TTC28: variants seen among roughly 807,000 people sequenced by gnomAD.
TTC28 encodes the protein tetratricopeptide repeat domain 28, also known as tetratricopeptide repeat protein 28.
TTC28 carries 61 observed loss-of-function variants against 198.0 expected under a neutral mutation model. The ratio of observed to expected loss-of-function variants is 0.31; its 90% CI spans 0.25 to 0.38. TTC28 has a LOEUF of 0.38. Ranked by LOEUF, TTC28 falls within the 10% of genes least tolerant of loss-of-function variation. The pLI is 1.00. For missense variants in TTC28, 2,678 were observed against 3,164.0 expected (o/e 0.85, Z 3.69); for synonymous variants, 1,171 against 1,297.8 (o/e 0.90, Z 2.10).
intron 2 of TTC28, among the ~76,000 whole-genome samples, chr22:28,406,159 TGAAATGAAAATATAAG>T (rs2046995031): frequency 6.6e-6 from 1 of 152,194 alleles, no homozygotes; most frequent in African/African-American, 2.4e-5. Context: ...TTCCATTCAC[TGAAATGAAAATATAAG>T]GAAAAAACAC....
chr22:28,334,932 G>C (rs1282135774), intron 2 of TTC28, among the ~76,000 whole-genome samples: 1 of 152,156 alleles, frequency 6.6e-6, no homozygotes, highest in African/African-American at 2.4e-5. Context: ...CCTTGGCCAT[G>C]CCTATGTCCT....
intron 1 of TTC28, among the ~76,000 whole-genome samples, chr22:28,630,202 C>T (rs2146206908): frequency 6.6e-6 from 1 of 152,306 alleles, no homozygotes; most frequent in South Asian, 2.1e-4. Context: ...ATACAGATGC[C>T]TAATCCTGAA....
At chr22:28,500,702 C>T (rs912832187) in intron 2 of TTC28, among the ~76,000 whole-genome samples, 1 of 152,094 alleles carries the variant, frequency 6.6e-6, no homozygotes, top group Non-Finnish European at 1.5e-5. Flanking sequence ...TTCCGTATCA[C>T]AGCAATCCCA....
In TTC28 at chr22:28,235,604, C is replaced by T. The variant is rs141077837; in HGVS notation, c.933+60594G>A. On this transcript the variant is annotated intron_variant, in intron 5 of 22. Coordinates refer to ENST00000397906, the MANE Select transcript of TTC28 (RefSeq NM_001145418.2). ...AGTGTCTGAACAGACAAAAATAACA[C>T]TGGAATAGAACATGAAGTCCAGAAC... Among the ~76,000 whole-genome samples the T allele has an allele frequency of 2.0e-5, 3 of 152,260 alleles. No individual in the cohort carries two copies. In the East Asian group the frequency reaches 5.8e-4, roughly 29 times the overall value.
Position 28,266,552 on chromosome 22 carries a change from C to T in TTC28, c.933+29646G>A, listed in dbSNP as rs118103981. Among the ~76,000 whole-genome samples, 393 of 152,268 alleles carry T rather than the reference C, an allele frequency of 2.6e-3. 2 individuals are homozygous for T. The highest frequency in any genetic ancestry group is 3.5e-3 in the Non-Finnish European group (238 of 68,002). On this transcript the variant is annotated intron_variant, in intron 5 of 22. Transcript: ENST00000397906. ...GATGCTAGCATAAGATTGACAAGCA[C>T]TTGCTCCTTGTTTTCATCATAATAG...
chr22:28,462,547 C>T (rs2047964362), intron 2 of TTC28, among the ~76,000 whole-genome samples: 1 of 152,138 alleles, frequency 6.6e-6, no homozygotes, highest in Admixed American at 6.5e-5. Flanking sequence ...GCTGCTTTCC[C>T]CATCCCCACC....
At position 28,264,717 on chromosome 22, in the gene TTC28, C is replaced by T. The variant is rs568627169; in HGVS notation, c.933+31481G>A. Among the ~76,000 whole-genome samples, 5 of 152,228 alleles carry T rather than the reference C, an allele frequency of 3.3e-5. No homozygotes were observed. The East Asian group carries it at 9.7e-4, about 29-fold the overall frequency. ...AATGTTAAAAACTGCCAGGTTTCTGCATGGAGCATCAAGGGAGTCAGAATG... is the reference window on the plus strand; with the variant it reads ...AATGTTAAAAACTGCCAGGTTTCTGTATGGAGCATCAAGGGAGTCAGAATG... On this transcript the variant is annotated intron_variant, in intron 5 of 22. Transcript: ENST00000397906.
chr22:28,387,727 G>T (rs2046634996), intron 2 of TTC28, among the ~76,000 whole-genome samples: 2 of 152,216 alleles, frequency 1.3e-5, no homozygotes, highest in Non-Finnish European at 2.9e-5. Flanking sequence ...TGAGGTCATT[G>T]TAGATTCTGG....
chr22:28,059,107 G>C (rs765867147), intron 12 of TTC28, among the ~76,000 whole-genome samples: 5 of 151,678 alleles, frequency 3.3e-5, no homozygotes, highest in African/African-American at 1.2e-4. Flanking sequence ...ATGGATTTCT[G>C]TTCTTATCTT....
chr22:28,009,472 G>A (rs905236231), intron 14 of TTC28, among the ~76,000 whole-genome samples: 3 of 152,216 alleles, frequency 2.0e-5, no homozygotes, highest in Admixed American at 6.5e-5. Context: ...AGCTGACAGC[G>A]GCAGCTCTGG....
Position 27,987,185 on chromosome 22 carries a change from G to A in TTC28, c.5708-1829C>T, listed in dbSNP as rs578055141. 1.1e-4 allele frequency among the ~76,000 whole-genome samples: 16 copies of A among 152,330 alleles called. 1 individual carries two copies. Among genetic ancestry groups the A allele is most frequent in the African/African-American group, 3.4e-4 (14 of 41,574 alleles). ...TAAAGCTTGCAAATGCATGCAGACC[G>A]ACTCGCCCCTTGAGTATCAGTGGCT... On this transcript the variant is annotated intron_variant, in intron 21 of 22. Coordinates refer to ENST00000397906, the MANE Select transcript of TTC28 (RefSeq NM_001145418.2).
intron 2 of TTC28, among the ~76,000 whole-genome samples, chr22:28,482,207 C>CTTT (rs36011379): frequency 0.069 from 4,593 of 66,960 alleles, 780 homozygotes; most frequent in Admixed American, 0.092. Context: ...AATGGGCAGT[C>CTTT]TTTTTTTTTT....
intron 2 of TTC28, among the ~76,000 whole-genome samples, chr22:28,570,343 T>C (rs1601579007): frequency 6.6e-6 from 1 of 152,250 alleles, no homozygotes; most frequent in East Asian, 1.9e-4. Flanking sequence ...AAAGAAAATA[T>C]AAATTCCATA....
intron 2 of TTC28, among the ~76,000 whole-genome samples, chr22:28,312,035 A>G (rs1459661941): frequency 2.6e-5 from 3 of 114,070 alleles, no homozygotes; most frequent in Non-Finnish European, 3.7e-5. Context: ...AATAGAAAGC[A>G]AAAAAAAAAA....
At chr22:28,424,759 C>T (rs1047636671) in intron 2 of TTC28, among the ~76,000 whole-genome samples, 1 of 152,200 alleles carries the variant, frequency 6.6e-6, no homozygotes, top group African/African-American at 2.4e-5. Context: ...TTCCAGTTAG[C>T]CCCTATCCAT....
chr22:28,014,034 G>A (rs1938257599), intron 14 of TTC28, among the ~76,000 whole-genome samples: 1 of 152,120 alleles, frequency 6.6e-6, no homozygotes, highest in African/African-American at 2.4e-5. Context: ...TAAAGCTCAA[G>A]GCCTCATCCA....
chr22:28,299,172 C>T (rs2044963016), intron 3 of TTC28, among the ~76,000 whole-genome samples: 1 of 151,496 alleles, frequency 6.6e-6, no homozygotes, highest in African/African-American at 2.4e-5. Flanking sequence ...AATGAGATGG[C>T]ACTTAAAAAG....
intron 2 of TTC28, among the ~76,000 whole-genome samples, chr22:28,535,020 G>A (rs1192633788): frequency 6.6e-6 from 1 of 151,782 alleles, no homozygotes; most frequent in Non-Finnish European, 1.5e-5. Flanking sequence ...TAACAAACCT[G>A]CACATTGTAC....
At chr22:28,498,139 T>TA (rs544196151) in intron 2 of TTC28, among the ~76,000 whole-genome samples, 158 of 139,428 alleles carry the variant, frequency 1.1e-3, no homozygotes, top group South Asian at 1.8e-3. Flanking sequence ...AGCCTTCCGT[T>TA]AAAAAAAAAA....
Sources: allele counts gnomAD v4.1 joint callset (sites outside exome capture counted in the v4.1 genomes callset), GRCh38; gene constraint gnomAD v4.1.1; transcripts MANE v1.5; gene names NCBI Gene and HGNC (gene_info 2026-07-23, HGNC 2026-07-21).